STPG2: variants seen among roughly 807,000 people sequenced by gnomAD.
STPG2 encodes the protein sperm tail PG-rich repeat containing 2, also known as sperm-tail PG-rich repeat-containing protein 2.
A neutral mutation model predicts 54.2 loss-of-function variants in STPG2; 56 were observed. The observed-to-expected ratio is 1.03, with a 90% CI of 0.83 to 1.29. STPG2 has a LOEUF of 1.29. STPG2 is among the 50% of genes most tolerant of loss of function. STPG2 has a pLI of 0.00. For synonymous variants in STPG2, 200 were observed against 181.8 expected, an observed-to-expected ratio of 1.10 and a Z score of -0.81; for missense variants, 596 against 544.9, an observed-to-expected ratio of 1.09 and a Z score of -0.93.
intron 4 of STPG2, among the ~76,000 whole-genome samples, chr4:97,498,987 A>G (rs1730666237): frequency 6.6e-6 from 1 of 152,024 alleles, no homozygotes; most frequent in Admixed American, 6.6e-5. Context: ...CCAGTACTTA[A>G]GGAATGATGA....
At chr4:97,553,888 T>C (rs144494324), downstream of STPG2, among the ~76,000 whole-genome samples, 630 of 152,316 alleles carry the variant, frequency 4.1e-3, 3 homozygotes, top group South Asian at 0.02. Context: ...TTCTCAGTAT[T>C]GGCTCAATCT....
intron 9 of STPG2, among the ~76,000 whole-genome samples, chr4:97,744,824 G>A (rs1033094631): frequency 2.0e-5 from 3 of 151,278 alleles, no homozygotes; most frequent in Non-Finnish European, 3.0e-5. Context: ...CACAAGTAAC[G>A]GAAACCCGCA....
At chr4:97,804,410 T>C (rs1645699602) in intron 9 of STPG2, among the ~76,000 whole-genome samples, 1 of 152,286 alleles carries the variant, frequency 6.6e-6, no homozygotes, top group South Asian at 2.1e-4. Flanking sequence ...GTTTGTGTCT[T>C]AGTTTTTAAC....
intron 8 of STPG2, among the ~76,000 whole-genome samples, chr4:97,940,791 A>T (rs1211441829): frequency 2.0e-5 from 3 of 152,164 alleles, no homozygotes; most frequent in African/African-American, 7.2e-5. Context: ...GTGTGGCCAT[A>T]CACAAGTAAC....
chr4:97,846,262 A>G (rs772781325), intron 8 of STPG2, among the ~76,000 whole-genome samples: 1 of 152,058 alleles, frequency 6.6e-6, no homozygotes, highest in African/African-American at 2.4e-5. Flanking sequence ...ATACAAAGCT[A>G]AAGTAGAAAA....
chr4:97,764,088 A>C (rs1051545758), intron 9 of STPG2, among the ~76,000 whole-genome samples: 1 of 148,786 alleles, frequency 6.7e-6, no homozygotes, highest in African/African-American at 2.5e-5. Context: ...TCCCTCTTCA[A>C]ATCCAACCTC....
chr4:97,803,663 C>T lies in STPG2; in HGVS notation c.1204+37110G>A, dbSNP rs535607258. ...TCAAGCGATTCTCCTGCCTCAGCCT[C>T]CCGAGTAGCTGGGACTACAAGTGCG... On this transcript the variant is annotated intron_variant, in intron 9 of 10. Coordinates refer to ENST00000295268, the MANE Select transcript of STPG2 (RefSeq NM_174952.3). Among the ~76,000 whole-genome samples, 49 of 152,288 alleles carry T rather than the reference C, an allele frequency of 3.2e-4. 1 individual carries two copies. In the South Asian group the frequency reaches 9.1e-3, roughly 28 times the overall value.
intron 5 of STPG2, among the ~76,000 whole-genome samples, chr4:98,086,020 T>A (rs1423218527): frequency 1.3e-5 from 2 of 152,100 alleles, no homozygotes; most frequent in Non-Finnish European, 2.9e-5. Flanking sequence ...AAAACAGAAT[T>A]TAAATGTTTC....
intron 1 of STPG2, among the ~76,000 whole-genome samples, chr4:98,142,692 A>G (rs1031423774): frequency 6.6e-6 from 1 of 151,860 alleles, no homozygotes; most frequent in African/African-American, 2.4e-5. Context: ...CAAAGCAACG[A>G]GACAGCGGGA....
intron 9 of STPG2, among the ~76,000 whole-genome samples, chr4:97,755,739 C>G (rs1036568193): frequency 1.3e-5 from 2 of 152,176 alleles, no homozygotes; most frequent in Non-Finnish European, 2.9e-5. Flanking sequence ...ATCAAAAGCT[C>G]TCTCTAAGTT....
In STPG2 at chr4:97,504,544, T is replaced by A. The variant is rs1730805587; in HGVS notation, c.462+208155A>T. Among the ~76,000 whole-genome samples, 4 of 151,986 alleles carry A rather than the reference T, an allele frequency of 2.6e-5. No individual in the cohort carries two copies. The South Asian group carries it at 6.2e-4, about 24-fold the overall frequency. On this transcript the variant is annotated intron_variant, in intron 4 of 4. Coordinates refer to the STPG2 transcript ENST00000522676. ...CTCTTGTAGTTTTTAAATTCTAAGC[T>A]ATGTTCCATATAACCAATTATTATA...
chr4:97,950,162 A>C (rs539908638), intron 7 of STPG2, among the ~76,000 whole-genome samples: 8 of 150,832 alleles, frequency 5.3e-5, no homozygotes, highest in African/African-American at 1.9e-4. Flanking sequence ...CTTTATGTTA[A>C]TTTTCACCTT....
chr4:98,114,716 G>GCA (rs35922368), intron 3 of STPG2, among the ~76,000 whole-genome samples: 59,649 of 150,066 alleles, frequency 0.4, 12,003 homozygotes, highest in African/African-American at 0.45. Context: ...GTGTACATGT[G>GCA]CACACACACA....
intron 4 of STPG2, among the ~76,000 whole-genome samples, chr4:97,490,679 C>G (rs1446091045): frequency 6.6e-6 from 1 of 151,554 alleles, no homozygotes; most frequent in African/African-American, 2.4e-5. Context: ...AGGTTGGTAC[C>G]AAATAGGCAA....
intron 4 of STPG2, among the ~76,000 whole-genome samples, chr4:97,495,357 C>T (rs1415754979): frequency 6.6e-6 from 1 of 151,320 alleles, no homozygotes; most frequent in Non-Finnish European, 1.5e-5. Context: ...CACAAGACAT[C>T]AGTTTGTAAT....
At chr4:97,940,918 A>T (rs553271126) in intron 8 of STPG2, among the ~76,000 whole-genome samples, 1 of 152,084 alleles carries the variant, frequency 6.6e-6, no homozygotes, top group Non-Finnish European at 1.5e-5. Context: ...GTTCATATTC[A>T]TCTTTGTCTT....
At chr4:97,884,565 C>G (rs912183817) in intron 8 of STPG2, among the ~76,000 whole-genome samples, 1 of 152,080 alleles carries the variant, frequency 6.6e-6, no homozygotes, top group Non-Finnish European at 1.5e-5. Flanking sequence ...CTTCTAGCCT[C>G]CAGAATTGTG....
At position 97,943,838 on chromosome 4, in the gene STPG2, T is replaced by A. The variant is rs1733094435; in HGVS notation, c.1044+59A>T. 4 of 1,311,862 alleles carry A rather than the reference T, an allele frequency of 3.0e-6. No individual in the cohort carries two copies. In the South Asian group the frequency reaches 5.9e-5, roughly 19 times the overall value. The allele number at this position is 1,311,862 out of a possible 1,614,324, so 81.3% of individuals were successfully genotyped here. On this transcript the variant is annotated intron_variant, in intron 8 of 10. Coordinates refer to ENST00000295268, the MANE Select transcript of STPG2 (RefSeq NM_174952.3). ...AGGTCCTAATATAATGTTTATGTTATGCAGCCTCCTCCATGATTTCTAGAT... is the reference window on the plus strand; with the variant it reads ...AGGTCCTAATATAATGTTTATGTTAAGCAGCCTCCTCCATGATTTCTAGAT...
intron 9 of STPG2, among the ~76,000 whole-genome samples, chr4:97,775,434 A>G (rs190749837): frequency 8.6e-5 from 13 of 152,006 alleles, no homozygotes; most frequent in Non-Finnish European, 1.6e-4. Context: ...ATGCAAAAAT[A>G]AATAAATAAA....
Sources: gnomAD v4.1 joint callset for allele counts (sites outside exome capture counted in the v4.1 genomes callset) on GRCh38, gnomAD v4.1.1 for gene constraint, MANE v1.5 for transcripts, NCBI Gene and HGNC (gene_info 2026-07-23, HGNC 2026-07-21) for gene names.